Variants in PLEKHG1 observed in about 807,000 individuals in gnomAD.
PLEKHG1 encodes the protein pleckstrin homology domain-containing family G member 1.
Under a neutral mutation model 100.8 loss-of-function variants are expected in PLEKHG1, and 44 were observed. The ratio of observed to expected loss-of-function variants is 0.44; its 90% CI spans 0.34 to 0.56. The LOEUF (loss-of-function observed/expected upper bound fraction) is 0.56. Ranked by LOEUF, PLEKHG1 falls within the 20% of genes least tolerant of loss-of-function variation. PLEKHG1 has a pLI of 0.01. For missense variants in PLEKHG1, 1,545 were observed against 1,720.9 expected, an observed-to-expected ratio of 0.90 and a Z score of 1.81; for synonymous variants, 640 against 662.5, an observed-to-expected ratio of 0.97 and a Z score of 0.52.
At chr6:150,731,271 G>T (rs1782238139) in intron 1 of PLEKHG1, among the ~76,000 whole-genome samples, 1 of 152,156 alleles carries the variant, frequency 6.6e-6, no homozygotes, top group Non-Finnish European at 1.5e-5. Context: ...CCATAAAGTT[G>T]TTATAGAACA....
intron 1 of PLEKHG1, among the ~76,000 whole-genome samples, chr6:150,620,456 A>G (rs1039803994): frequency 6.6e-6 from 1 of 152,038 alleles, no homozygotes; most frequent in Non-Finnish European, 1.5e-5. Context: ...GTCCCCCCAG[A>G]CCCCTTCAGT....
chr6:150,776,367 A>G (rs1296827333), intron 3 of PLEKHG1, among the ~76,000 whole-genome samples: 1 of 152,284 alleles, frequency 6.6e-6, no homozygotes, highest in Non-Finnish European at 1.5e-5. Flanking sequence ...GCGGTTGCAC[A>G]TCAGCCACAC....
At chr6:150,840,201 G>A in exon 16 of PLEKHG1, 1 of 1,614,226 alleles carries the variant, frequency 6.2e-7, no homozygotes, top group South Asian at 1.1e-5. Context: ...GCCCAACAAA[G>A]AGAACTGGTG....
intron 3 of PLEKHG1, among the ~76,000 whole-genome samples, chr6:150,665,359 C>T (rs1241604847): frequency 6.6e-6 from 1 of 152,004 alleles, no homozygotes; most frequent in Non-Finnish European, 1.5e-5. Flanking sequence ...TAATGAATGT[C>T]GTGGCTCACG....
intron 1 of PLEKHG1, among the ~76,000 whole-genome samples, chr6:150,604,192 A>T (rs764121924): frequency 3.3e-5 from 5 of 152,260 alleles, no homozygotes; most frequent in African/African-American, 4.8e-5. Context: ...TTCTCATAAG[A>T]GGAATTATTA....
intron 1 of PLEKHG1, among the ~76,000 whole-genome samples, chr6:150,607,389 CAG>C (rs889715929): frequency 3.3e-5 from 5 of 152,130 alleles, no homozygotes; most frequent in African/African-American, 1.2e-4. Context: ...TGATGTGCTG[CAG>C]AGAGAGGAAA....
intron 2 of PLEKHG1, among the ~76,000 whole-genome samples, chr6:150,645,892 A>C (rs1778472274): frequency 6.6e-6 from 1 of 152,216 alleles, no homozygotes; most frequent in Admixed American, 6.5e-5. Flanking sequence ...AGATAAATAC[A>C]ATGTAGAATC....
intron 10 of PLEKHG1, among the ~76,000 whole-genome samples, chr6:150,816,657 G>A (rs548299361): frequency 6.6e-6 from 1 of 152,070 alleles, no homozygotes; most frequent in African/African-American, 2.4e-5. Context: ...AGATGCAGCT[G>A]TACAATTGAA....
At chr6:150,826,158 G>T (rs991635627) in intron 14 of PLEKHG1, among the ~76,000 whole-genome samples, 3 of 151,744 alleles carry the variant, frequency 2.0e-5, no homozygotes, top group Admixed American at 6.6e-5. Flanking sequence ...CTCCAGCCTG[G>T]GCAACAAGAG....
intron 2 of PLEKHG1, among the ~76,000 whole-genome samples, chr6:150,735,679 G>C (rs1360749241): frequency 6.6e-6 from 1 of 152,184 alleles, no homozygotes; most frequent in South Asian, 2.1e-4. Flanking sequence ...AGAAATACCT[G>C]TAAAACAGCC....
intron 3 of PLEKHG1, among the ~76,000 whole-genome samples, chr6:150,780,137 ATTT>A (rs772671634): frequency 1.5e-5 from 2 of 135,486 alleles, no homozygotes; most frequent in Non-Finnish European, 1.6e-5. Context: ...CTTTTCTTTA[ATTT>A]TTTTTTTTTT....
chr6:150,655,707 C>CA (rs775753925), intron 3 of PLEKHG1, among the ~76,000 whole-genome samples: 5,063 of 37,242 alleles, frequency 0.14, 436 homozygotes, highest in Non-Finnish European at 0.19. Flanking sequence ...GACTCCATCT[C>CA]AAAAAAAAAA....
At chr6:150,800,929 A>C (rs985451050) in intron 6 of PLEKHG1, 60 bp downstream of exon 7, 2 of 1,424,350 alleles carry the variant, frequency 1.4e-6, no homozygotes, top group African/African-American at 2.8e-5. Flanking sequence ...TGTATATATT[A>C]AGTTTGGTGG....
intron 5 of PLEKHG1, among the ~76,000 whole-genome samples, chr6:150,799,167 C>T (rs905199844): frequency 3.9e-5 from 6 of 152,126 alleles, no homozygotes; most frequent in Non-Finnish European, 7.3e-5. Flanking sequence ...GTGTGGTTTT[C>T]ATATTCATAG....
At chr6:150,722,888 G>A (rs990974083) in intron 1 of PLEKHG1, among the ~76,000 whole-genome samples, 3 of 152,176 alleles carry the variant, frequency 2.0e-5, no homozygotes, top group Admixed American at 6.5e-5. Flanking sequence ...CCTTGAGACT[G>A]ATAATTTTAC....
chr6:150,719,141 A>G (rs1359845706), upstream of PLEKHG1, among the ~76,000 whole-genome samples: 1 of 152,148 alleles, frequency 6.6e-6, no homozygotes, highest in African/African-American at 2.4e-5. Context: ...TGTCACTTCA[A>G]AGCTGTCCTT....
At chr6:150,640,094 G>T (rs1349598345) in intron 2 of PLEKHG1, among the ~76,000 whole-genome samples, 4 of 152,232 alleles carry the variant, frequency 2.6e-5, no homozygotes, top group African/African-American at 4.8e-5. Context: ...TTCCCTGTAG[G>T]GTTACCCATC....
At chr6:150,623,486 A>C (rs1157273388) in intron 1 of PLEKHG1, among the ~76,000 whole-genome samples, 1 of 152,210 alleles carries the variant, frequency 6.6e-6, no homozygotes, top group Non-Finnish European at 1.5e-5. Flanking sequence ...GTCAACTGGC[A>C]TTCTCTGTAG....
upstream of PLEKHG1, among the ~76,000 whole-genome samples, chr6:150,718,038 A>G (rs1200144408): frequency 6.6e-6 from 1 of 152,200 alleles, no homozygotes; most frequent in Admixed American, 6.6e-5. Context: ...AGATAGTGAC[A>G]CTGCATCCAG....
Sources: allele counts gnomAD v4.1 joint callset (sites outside exome capture counted in the v4.1 genomes callset), GRCh38; gene constraint gnomAD v4.1.1; transcripts MANE v1.5; gene names NCBI Gene and HGNC (gene_info 2026-07-23, HGNC 2026-07-21).